The following IQCE variants were observed in gnomAD, a reference collection of about 807,000 sequenced individuals.
IQCE encodes IQ motif containing E, also known as IQ domain-containing protein E.
Under a neutral mutation model 96.0 loss-of-function variants are expected in IQCE, and 115 were observed. The ratio of observed to expected loss-of-function variants is 1.20; its 90% CI spans 1.03 to 1.40. The LOEUF is 1.40. IQCE is among the 40% of genes most tolerant of loss of function. IQCE has a pLI of 0.00. For synonymous variants in IQCE, 412 were observed against 371.2 expected (o/e 1.11, Z -1.26); for missense variants, 1,041 against 909.1 (o/e 1.15, Z -1.87).
At chr7:2,560,747 G>A (rs1040968806) in intron 1 of IQCE, among the ~76,000 whole-genome samples, 3 of 152,072 alleles carry the variant, frequency 2.0e-5, no homozygotes, top group Non-Finnish European at 4.4e-5. Flanking sequence ...CATGAGGTCA[G>A]GAGATCGAGA....
At chr7:2,601,825 C>G (rs556261673) in intron 18 of IQCE, 1 of 240,624 alleles carries the variant, frequency 4.2e-6, no homozygotes, top group African/African-American at 2.3e-5. Context: ...GCAGGAATTA[C>G]AGGCGTGAGC....
intron 14 of IQCE, among the ~76,000 whole-genome samples, chr7:2,592,379 G>A (rs1783669046): frequency 6.8e-6 from 1 of 148,118 alleles, no homozygotes. Context: ...GGAAGGATCT[G>A]TGATGCTGTC....
At chr7:2,565,974 C>T (rs1299874786) in intron 1 of IQCE, among the ~76,000 whole-genome samples, 2 of 152,194 alleles carry the variant, frequency 1.3e-5, no homozygotes, top group Non-Finnish European at 2.9e-5. Flanking sequence ...CAGTTTCACA[C>T]TGCTAGCAAA....
chr7:2,559,684 G>A (rs1780774629), intron 1 of IQCE, among the ~76,000 whole-genome samples: 1 of 151,124 alleles, frequency 6.6e-6, no homozygotes, highest in South Asian at 2.1e-4. Context: ...CCAGGGCGAG[G>A]GTGCATGAGC....
rs1780831816 is a variant in IQCE, at chr7:2,560,122, T to A, written c.36+905T>A. On this transcript the variant is annotated intron_variant, in intron 1 of 21. Coordinates refer to ENST00000402050, the MANE Select transcript of IQCE (RefSeq NM_152558.5). ...CTACAGTGAACTGTGATCATGGCCC[T>A]CCAAGGCCTGAGAGACAGAGTGAGG... Among the ~76,000 whole-genome samples, 4 of 150,246 alleles carry A rather than the reference T, an allele frequency of 2.7e-5. No homozygotes were observed. The South Asian group carries it at 8.5e-4, about 32-fold the overall frequency.
intron 1 of IQCE, among the ~76,000 whole-genome samples, chr7:2,566,288 C>T (rs1425126739): frequency 7.0e-6 from 1 of 142,420 alleles, no homozygotes; most frequent in African/African-American, 2.8e-5. Context: ...CTTCAAAAAG[C>T]TTCCTTTTTT....
intron 3 of IQCE, among the ~76,000 whole-genome samples, chr7:2,570,002 C>CT (rs751567718): frequency 6.6e-6 from 1 of 152,272 alleles, no homozygotes; most frequent in Middle Eastern, 3.4e-3. Flanking sequence ...GGGGTGCCTC[C>CT]TGACTCACAC....
chr7:2,575,128 T>C (rs1782022713), intron 6 of IQCE, among the ~76,000 whole-genome samples: 1 of 152,264 alleles, frequency 6.6e-6, no homozygotes, highest in South Asian at 2.1e-4. Flanking sequence ...GTTCTTAGTA[T>C]AAAAAGTGAT....
chr7:2,606,253 G>C (rs1784817896), intron 20 of IQCE, among the ~76,000 whole-genome samples: 1 of 152,196 alleles, frequency 6.6e-6, no homozygotes, highest in Non-Finnish European at 1.5e-5. Flanking sequence ...TCCCTACCGG[G>C]AGGAGATGAG....
intron 15 of IQCE, among the ~76,000 whole-genome samples, chr7:2,593,992 T>C (rs1331902224): frequency 6.6e-6 from 1 of 152,220 alleles, no homozygotes; most frequent in Non-Finnish European, 1.5e-5. Flanking sequence ...CCGGGCACAG[T>C]GGCTCATGCC....
chr7:2,600,563 G>A (rs568860558), intron 17 of IQCE, among the ~76,000 whole-genome samples: 1 of 152,316 alleles, frequency 6.6e-6, no homozygotes, highest in Admixed American at 6.5e-5. Context: ...TCCCGAAAGC[G>A]TGGGAGAAAA....
At chr7:2,569,707 C>G (rs1274015696) in intron 3 of IQCE, among the ~76,000 whole-genome samples, 1 of 152,234 alleles carries the variant, frequency 6.6e-6, no homozygotes, top group Non-Finnish European at 1.5e-5. Context: ...GTGGCCTTCC[C>G]TGGCTGTGCC....
chr7:2,568,821 C>T (rs1583397917), intron 2 of IQCE, 133 bp from the exon 3 acceptor site: 2 of 772,094 alleles, frequency 2.6e-6, no homozygotes, highest in Non-Finnish European at 4.3e-6. Flanking sequence ...CCTGGACCCT[C>T]CTTACGTCCC....
chr7:2,586,386 G>T lies in IQCE; in HGVS notation c.988+15G>T. ...CAAGACACAGGGTACCTTCCTGAAAGCCACTCCAGGAGGGAGGCCAGGGAA... is the reference window on the plus strand; with the variant it reads ...CAAGACACAGGGTACCTTCCTGAAATCCACTCCAGGAGGGAGGCCAGGGAA... On this transcript the variant is annotated intron_variant, in intron 12 of 21. Coordinates refer to ENST00000402050, the MANE Select transcript of IQCE (RefSeq NM_152558.5). 6.3e-7 allele frequency: 1 copy of T among 1,589,888 alleles called. No homozygotes were observed. The highest frequency in any genetic ancestry group is 8.5e-7 in the Non-Finnish European group (1 of 1,173,150).
intron 13 of IQCE, 45 bp from the exon 14 acceptor site, chr7:2,589,862 T>C (rs371023540): frequency 3.2e-6 from 5 of 1,568,670 alleles, no homozygotes; most frequent in African/African-American, 2.7e-5. Flanking sequence ...AAATAGAAAG[T>C]AGAAATGAGA....
At chr7:2,593,277 A>G (rs1783756399) in intron 15 of IQCE, 151 bp downstream of exon 15, 1 of 1,293,028 alleles carries the variant, frequency 7.7e-7, no homozygotes. Flanking sequence ...TCTGTCACCC[A>G]GCCCGGGACT....
chr7:2,564,341 C>T (rs1781202844), intron 1 of IQCE, among the ~76,000 whole-genome samples: 1 of 150,862 alleles, frequency 6.6e-6, no homozygotes, highest in South Asian at 2.1e-4. Context: ...ACACCTATAG[C>T]CCCAGCACTT....
At chr7:2,582,523 C>T (rs374028754) in intron 8 of IQCE, 57 bp from the exon 9 acceptor site, 102 of 1,474,096 alleles carry the variant, frequency 6.9e-5, no homozygotes, top group African/African-American at 4.7e-4. Context: ...AGGGGACAGC[C>T]GCTTCTACTG....
rs1765970906 is a variant in IQCE, at chr7:2,606,002, G to A, written c.1865+5G>A. ...CCTGGCCCGGGCCAGGCACAGGTGAGTCAGGGTCACGGGGACGTGGGACAC... is the reference window on the plus strand; with the variant it reads ...CCTGGCCCGGGCCAGGCACAGGTGAATCAGGGTCACGGGGACGTGGGACAC... On this transcript the variant is annotated splice_donor_5th_base_variant and intron_variant, in intron 20 of 21. Coordinates refer to ENST00000402050, the MANE Select transcript of IQCE (RefSeq NM_152558.5). 1.9e-6 allele frequency: 3 copies of A among 1,606,148 alleles called. No individual in the cohort carries two copies. The highest frequency in any genetic ancestry group is 1.7e-6 in the Non-Finnish European group (2 of 1,177,234).
Sources: gnomAD v4.1 joint callset for allele counts (sites outside exome capture counted in the v4.1 genomes callset) on GRCh38, gnomAD v4.1.1 for gene constraint, MANE v1.5 for transcripts, NCBI Gene and HGNC (gene_info 2026-07-23, HGNC 2026-07-21) for gene names.